PLA2G4C: variants seen among roughly 807,000 people sequenced by gnomAD.
PLA2G4C encodes phospholipase A2 group IVC.
Under a neutral mutation model 73.8 loss-of-function variants are expected in PLA2G4C, and 64 were observed. The observed-to-expected ratio is 0.87, with a 90% CI of 0.71 to 1.07. The LOEUF (loss-of-function observed/expected upper bound fraction) is 1.07, where lower values mean the gene tolerates loss of function less well. Ranked by LOEUF, PLA2G4C falls within the 50% of genes least tolerant of loss-of-function variation. The probability of loss-of-function intolerance (pLI) is 0.00; values close to 1 mark genes in which losing one functional copy is unlikely to be tolerated. For synonymous variants in PLA2G4C, 254 were observed against 252.1 expected, an observed-to-expected ratio of 1.01 and a Z score of -0.07; for missense variants, 622 against 665.4, an observed-to-expected ratio of 0.93 and a Z score of 0.72.
chr19:48,053,620 G>A (rs759965631), intron 15 of PLA2G4C, among the ~76,000 whole-genome samples: 4 of 152,036 alleles, frequency 2.6e-5, no homozygotes, highest in Non-Finnish European at 1.5e-5. Context: ...GATCTGCCCC[G>A]GCTTGGCGTC....
intron 1 of PLA2G4C, 79 bp from the exon 2 acceptor site, chr19:48,106,640 C>G (rs2032251226): frequency 1.9e-5 from 22 of 1,134,696 alleles, no homozygotes; most frequent in Non-Finnish European, 2.9e-5. Flanking sequence ...CTGGGACTGT[C>G]ACGGGCTCAT....
intron 13 of PLA2G4C, among the ~76,000 whole-genome samples, chr19:48,062,968 C>T (rs1968248996): frequency 6.6e-6 from 1 of 152,126 alleles, no homozygotes; most frequent in East Asian, 1.9e-4. Context: ...AAGATGAACA[C>T]TGGTTCGGTC....
At chr19:48,071,137 G>T (rs1374855211) in intron 12 of PLA2G4C, among the ~76,000 whole-genome samples, 1 of 152,188 alleles carries the variant, frequency 6.6e-6, no homozygotes, top group Non-Finnish European at 1.5e-5. Flanking sequence ...TTTCTCTGAA[G>T]AAACCTAACA....
chr19:48,091,015 A>AATT (rs1014181166), intron 7 of PLA2G4C, among the ~76,000 whole-genome samples: 8 of 126,474 alleles, frequency 6.3e-5, no homozygotes, highest in African/African-American at 3.5e-4. Flanking sequence ...TCAAAAAAAA[A>AATT]AAAAAAAGTT....
chr19:48,099,723 T>C lies in PLA2G4C; in HGVS notation c.395A>G (p.Tyr132Cys). 3 of 1,613,912 alleles carry C rather than the reference T, an allele frequency of 1.9e-6. No homozygotes were observed. The highest frequency in any genetic ancestry group is 2.5e-6 in the Non-Finnish European group (3 of 1,179,968). The part of the protein sequence containing the change: ...KTIQAARSEN[Y>C]SLTDFWAYMV... ...GTAGGCCCAGAAGTCGGTCAGAGAG[T>C]AATTCTCAGACCTCGCTGCTTGGAT... is the stretch of plus-strand genomic sequence containing the variant. The change falls in exon 5 of 17, where the codon TAC (tyrosine) becomes TGC (cysteine). Residue 132 changes from tyrosine (Y) to cysteine (C), a missense_variant. Tyr to Cys is a radical substitution (Grantham distance 194). Transcript: ENST00000599921.
intron 4 of PLA2G4C, 97 bp downstream of exon 4, chr19:48,104,491 G>T: frequency 8.5e-7 from 1 of 1,179,618 alleles, no homozygotes; most frequent in Non-Finnish European, 1.2e-6. Flanking sequence ...AGCTCGAGAA[G>T]CAGCGTTGGA....
chr19:48,080,586 A>T lies in PLA2G4C; in HGVS notation c.845-2762T>A, dbSNP rs1477552350. On this transcript the variant is annotated intron_variant, in intron 10 of 16. Transcript: ENST00000599921. ...CACTTTGGGAGGCTGAGGAGGGGAG[A>T]TCACTCGAGGTCAGGCGTTCAAGAC... is the stretch of plus-strand genomic sequence containing the variant. Among the ~76,000 whole-genome samples the T allele has an allele frequency of 2.0e-5, 3 of 152,082 alleles. No homozygotes were observed. The East Asian group carries it at 5.8e-4, about 29-fold the overall frequency.
intron 9 of PLA2G4C, among the ~76,000 whole-genome samples, chr19:48,088,120 G>A (rs1298356329): frequency 1.3e-5 from 2 of 151,958 alleles, no homozygotes; most frequent in African/African-American, 4.8e-5. Context: ...ATAAAATACT[G>A]GGGAAAAAAT....
intron 1 of PLA2G4C, chr19:48,106,774 G>A (rs1346348175): frequency 2.1e-5 from 12 of 560,900 alleles, no homozygotes; most frequent in East Asian, 1.2e-4. Context: ...TTTCAAGCGC[G>A]TCTCTCTGAA....
At chr19:48,092,305 T>C (rs1468472498) in intron 7 of PLA2G4C, among the ~76,000 whole-genome samples, 1 of 152,174 alleles carries the variant, frequency 6.6e-6, no homozygotes, top group Non-Finnish European at 1.5e-5. Context: ...CGCCTCGGCC[T>C]CCCAAAGTGC....
At chr19:48,068,779 A>C (rs1175825272) in intron 12 of PLA2G4C, among the ~76,000 whole-genome samples, 1 of 151,828 alleles carries the variant, frequency 6.6e-6, no homozygotes, top group African/African-American at 2.4e-5. Flanking sequence ...AATACCAAGA[A>C]TGCGTGTGCA....
chr19:48,085,979 A>C (rs1009644595), intron 9 of PLA2G4C, among the ~76,000 whole-genome samples: 1 of 152,140 alleles, frequency 6.6e-6, no homozygotes, highest in Admixed American at 6.5e-5. Flanking sequence ...CTCACAGGGC[A>C]CCCTGCAGTG....
chr19:48,077,723 T>C (rs1288383414), intron 11 of PLA2G4C, 48 bp downstream of exon 11: 2 of 1,372,876 alleles, frequency 1.5e-6, no homozygotes. Context: ...CAAGCCAGTG[T>C]GCAGTCCACA....
chr19:48,101,302 T>A (rs900617667), intron 4 of PLA2G4C, among the ~76,000 whole-genome samples: 4 of 151,602 alleles, frequency 2.6e-5, no homozygotes, highest in South Asian at 2.1e-4. Flanking sequence ...TGCTCATTTT[T>A]AAATTTATTT....
intron 12 of PLA2G4C, 58 bp downstream of exon 12, chr19:48,074,709 G>A (rs547384851): frequency 2.8e-4 from 325 of 1,157,636 alleles, no homozygotes; most frequent in Non-Finnish European, 3.9e-4. Context: ...AGAGCAAGAG[G>A]GGGGAGAAGG....
chr19:48,093,708 C>T (rs931780394), intron 7 of PLA2G4C, among the ~76,000 whole-genome samples: 8 of 152,100 alleles, frequency 5.3e-5, no homozygotes, highest in Non-Finnish European at 1.0e-4. Context: ...TTGGTCCTGG[C>T]TTAGGGTCTG....
At chr19:48,107,208 A>G (rs967694406) in intron 1 of PLA2G4C, among the ~76,000 whole-genome samples, 2 of 151,852 alleles carry the variant, frequency 1.3e-5, no homozygotes, top group Non-Finnish European at 2.9e-5. Flanking sequence ...TTGATCGGCT[A>G]TGGATGAAAT....
intron 14 of PLA2G4C, among the ~76,000 whole-genome samples, chr19:48,057,030 G>T (rs1967969099): frequency 1.3e-5 from 2 of 151,914 alleles, no homozygotes; most frequent in Admixed American, 1.3e-4. Context: ...TAACTAATGG[G>T]TACTAGGCTT....
chr19:48,070,177 C>T (rs1438139583), intron 12 of PLA2G4C, among the ~76,000 whole-genome samples: 1 of 152,160 alleles, frequency 6.6e-6, no homozygotes, highest in Non-Finnish European at 1.5e-5. Context: ...GCCTATAGCA[C>T]TTAGGATGTT....
Sources: allele counts gnomAD v4.1 joint callset (sites outside exome capture counted in the v4.1 genomes callset), GRCh38; gene constraint gnomAD v4.1.1; transcripts MANE v1.5; gene names NCBI Gene and HGNC (gene_info 2026-07-23, HGNC 2026-07-21).